Variants in NREP observed in about 807,000 individuals in gnomAD.
NREP encodes neuronal regeneration-related protein.
Under a neutral mutation model 8.6 loss-of-function variants are expected in NREP, and 5 were observed. The ratio of observed to expected loss-of-function variants is 0.58; its 90% confidence interval spans 0.30 to 1.22. The LOEUF is 1.22. NREP is among the 50% of genes most tolerant of loss of function. NREP has a pLI of 0.07. For synonymous variants in NREP, 27 were observed against 28.0 expected, an observed-to-expected ratio of 0.96 and a Z score of 0.11; for missense variants, 86 against 82.5, an observed-to-expected ratio of 1.04 and a Z score of -0.17.
chr5:111,814,375 T>C (rs536709389), intron 2 of NREP, among the ~76,000 whole-genome samples: 2 of 152,244 alleles, frequency 1.3e-5, no homozygotes, highest in East Asian at 1.9e-4. Context: ...GTAGGGTATG[T>C]TGTGGGCCAA....
At chr5:111,864,404 T>A (rs1225570414) in intron 2 of NREP, among the ~76,000 whole-genome samples, 2 of 151,948 alleles carry the variant, frequency 1.3e-5, no homozygotes, top group Admixed American at 1.3e-4. Context: ...GAATAAAACA[T>A]CTCTAAAACA....
intron 2 of NREP, among the ~76,000 whole-genome samples, chr5:111,928,661 T>C (rs1362400530): frequency 6.6e-6 from 1 of 152,114 alleles, no homozygotes; most frequent in African/African-American, 2.4e-5. Context: ...AAGTGTCAAG[T>C]TTTCCCCTGA....
chr5:111,818,374 G>A (rs944525641), intron 2 of NREP, among the ~76,000 whole-genome samples: 4 of 152,172 alleles, frequency 2.6e-5, no homozygotes, highest in East Asian at 1.9e-4. Flanking sequence ...TGGCAGTGAC[G>A]TGGTGTTATA....
intron 2 of NREP, among the ~76,000 whole-genome samples, chr5:111,970,703 G>A (rs922344209): frequency 6.6e-6 from 1 of 151,664 alleles, no homozygotes; most frequent in Non-Finnish European, 1.5e-5. Context: ...GCATGCGCCT[G>A]TAAGCCTAGC....
intron 2 of NREP, among the ~76,000 whole-genome samples, chr5:111,950,699 G>GAA (rs199589410): frequency 1.8e-4 from 21 of 118,888 alleles, no homozygotes; most frequent in South Asian, 1.6e-3. Context: ...AAATTTACAA[G>GAA]AAAAAAAAAA....
chr5:111,947,445 G>C (rs1218670273), intron 2 of NREP, among the ~76,000 whole-genome samples: 4 of 151,250 alleles, frequency 2.6e-5, no homozygotes, highest in Admixed American at 1.3e-4. Context: ...TTGAAAAAGA[G>C]TTCATGTTTT....
At chr5:111,792,886 T>A (rs1346328974) in intron 2 of NREP, among the ~76,000 whole-genome samples, 1 of 152,202 alleles carries the variant, frequency 6.6e-6, no homozygotes, top group East Asian at 1.9e-4. Context: ...TAAAGCCACA[T>A]CAGGATGGGA....
chr5:111,855,863 A>G (rs2112474529), intron 2 of NREP, among the ~76,000 whole-genome samples: 1 of 152,240 alleles, frequency 6.6e-6, no homozygotes, highest in South Asian at 2.1e-4. Context: ...CACCAAATGT[A>G]GCTTGGAGGG....
intron 2 of NREP, among the ~76,000 whole-genome samples, chr5:111,910,755 A>G (rs771821884): frequency 3.4e-4 from 52 of 152,180 alleles, no homozygotes; most frequent in Admixed American, 9.8e-4. Flanking sequence ...CTCCAAAAGG[A>G]AGCCCTGTGA....
chr5:111,875,535 A>G (rs1369691334), intron 2 of NREP, among the ~76,000 whole-genome samples: 1 of 152,224 alleles, frequency 6.6e-6, no homozygotes, highest in South Asian at 2.1e-4. Context: ...CTGCCAGATA[A>G]AATTTCTTAG....
At chr5:111,931,027 G>C (rs1350910525) in intron 2 of NREP, among the ~76,000 whole-genome samples, 1 of 152,016 alleles carries the variant, frequency 6.6e-6, no homozygotes, top group Non-Finnish European at 1.5e-5. Context: ...AGCATGGCAG[G>C]GTAGAAGACA....
chr5:111,807,906 G>A (rs1482432717), intron 2 of NREP, among the ~76,000 whole-genome samples: 3 of 148,102 alleles, frequency 2.0e-5, no homozygotes, highest in Non-Finnish European at 4.5e-5. Context: ...GAAAGAGGAA[G>A]AGGCTCTTCT....
intron 2 of NREP, among the ~76,000 whole-genome samples, chr5:111,860,734 A>T (rs1411383537): frequency 6.6e-6 from 1 of 152,206 alleles, no homozygotes; most frequent in African/African-American, 2.4e-5. Flanking sequence ...CAATGTGAAA[A>T]CTAGCTGTGT....
At chr5:111,859,423 GA>G (rs1321618637) in intron 2 of NREP, among the ~76,000 whole-genome samples, 1 of 152,114 alleles carries the variant, frequency 6.6e-6, no homozygotes, top group African/African-American at 2.4e-5. Context: ...TTTTGCCAAG[GA>G]AAAAAGTCAA....
chr5:111,968,972 G>C (rs1222162316), intron 2 of NREP, among the ~76,000 whole-genome samples: 1 of 152,158 alleles, frequency 6.6e-6, no homozygotes, highest in Admixed American at 6.5e-5. Context: ...TTTTTAGATA[G>C]AGTTAAAGAA....
chr5:111,877,703 G>A (rs761668309), intron 2 of NREP, among the ~76,000 whole-genome samples: 1 of 152,208 alleles, frequency 6.6e-6, no homozygotes, highest in Admixed American at 6.5e-5. Flanking sequence ...CCTAAGCTTT[G>A]TTCCATTTAT....
At chr5:111,838,265 C>T (rs1752943208) in intron 2 of NREP, among the ~76,000 whole-genome samples, 1 of 152,100 alleles carries the variant, frequency 6.6e-6, no homozygotes, top group Non-Finnish European at 1.5e-5. Context: ...TTACGCACAC[C>T]TCAGTTTAGA....
At chr5:111,951,242 A>T (rs1199742042) in intron 2 of NREP, among the ~76,000 whole-genome samples, 1 of 152,130 alleles carries the variant, frequency 6.6e-6, no homozygotes, top group African/African-American at 2.4e-5. Flanking sequence ...TGCACTGCAC[A>T]TATACATAAC....
chr5:111,949,683 C>T (rs1013008688), intron 2 of NREP, among the ~76,000 whole-genome samples: 35 of 151,858 alleles, frequency 2.3e-4, no homozygotes, highest in Admixed American at 1.4e-3. Context: ...TGTGGTGTTT[C>T]GTTTTCTGTT....
Sources: allele counts gnomAD v4.1 joint callset (sites outside exome capture counted in the v4.1 genomes callset), GRCh38; gene constraint gnomAD v4.1.1; transcripts MANE v1.5; gene names NCBI Gene and HGNC (gene_info 2026-07-23, HGNC 2026-07-21).